FBXL13: variants seen among roughly 807,000 people sequenced by gnomAD.
FBXL13 encodes the protein F-box and leucine-rich repeat protein 13.
In FBXL13, 67 loss-of-function variants were observed where a neutral mutation model predicts 83.6. That is an observed-to-expected ratio of 0.80 (90% CI 0.66 to 0.98). The LOEUF (loss-of-function observed/expected upper bound fraction) is 0.98. Ranked by LOEUF, FBXL13 falls within the 50% of genes least tolerant of loss-of-function variation. FBXL13 has a pLI of 0.00. For synonymous variants in FBXL13, 272 were observed against 299.5 expected, an observed-to-expected ratio of 0.91 and a Z score of 0.95; for missense variants, 822 against 866.5, an observed-to-expected ratio of 0.95 and a Z score of 0.64.
chr7:103,055,989 C>A (rs1320216236), intron 1 of FBXL13, among the ~76,000 whole-genome samples: 1 of 152,134 alleles, frequency 6.6e-6, no homozygotes, highest in Non-Finnish European at 1.5e-5. Flanking sequence ...TGTAGTCTTT[C>A]ATCCCTCAAA....
At chr7:102,885,453 T>C (rs1434899307) in intron 11 of FBXL13, among the ~76,000 whole-genome samples, 1 of 152,224 alleles carries the variant, frequency 6.6e-6, no homozygotes, top group Non-Finnish European at 1.5e-5. Context: ...TGCCTTTTTT[T>C]TTTTAGTTGG....
At chr7:102,932,798 G>A (rs1356341331) in intron 8 of FBXL13, among the ~76,000 whole-genome samples, 4 of 151,890 alleles carry the variant, frequency 2.6e-5, no homozygotes, top group East Asian at 3.9e-4. Context: ...TTGTAGAGAC[G>A]GGGTTTCCCC....
At chr7:102,983,280 T>A (rs1233862830) in intron 6 of FBXL13, among the ~76,000 whole-genome samples, 1 of 152,076 alleles carries the variant, frequency 6.6e-6, no homozygotes, top group Non-Finnish European at 1.5e-5. Flanking sequence ...GGAGGCCACT[T>A]CCACTAGCAG....
intron 17 of FBXL13, among the ~76,000 whole-genome samples, chr7:102,841,168 T>C (rs1802862243): frequency 6.6e-6 from 1 of 151,540 alleles, no homozygotes; most frequent in Admixed American, 6.6e-5. Context: ...AACCTAAACA[T>C]AGGTTTAAAA....
At chr7:103,070,056 G>A (rs967510689) in intron 1 of FBXL13, among the ~76,000 whole-genome samples, 1 of 148,100 alleles carries the variant, frequency 6.8e-6, no homozygotes. Context: ...TCCAGCCTGG[G>A]CGACAGTGCA....
intron 18 of FBXL13, among the ~76,000 whole-genome samples, chr7:102,824,781 C>T (rs1050208828): frequency 5.7e-5 from 8 of 141,480 alleles, no homozygotes; most frequent in Admixed American, 1.4e-4. Flanking sequence ...CCACCATGCC[C>T]GGCCTTTTTT....
At chr7:102,989,303 T>C (rs553937287) in intron 6 of FBXL13, among the ~76,000 whole-genome samples, 2 of 152,306 alleles carry the variant, frequency 1.3e-5, no homozygotes, top group South Asian at 4.1e-4. Flanking sequence ...ACTTTCTAAT[T>C]ATCTGATCTT....
chr7:102,928,161 C>T (rs1222028153), intron 9 of FBXL13, among the ~76,000 whole-genome samples: 1 of 152,136 alleles, frequency 6.6e-6, no homozygotes, highest in East Asian at 1.9e-4. Flanking sequence ...AAAATTAGAC[C>T]ACTCCCATTC....
At chr7:102,969,364 AC>A (rs1826335969) in intron 6 of FBXL13, among the ~76,000 whole-genome samples, 1 of 152,196 alleles carries the variant, frequency 6.6e-6, no homozygotes, top group African/African-American at 2.4e-5. Context: ...ACTGGATTAT[AC>A]CATCTAGGTT....
intron 14 of FBXL13, among the ~76,000 whole-genome samples, chr7:102,881,730 G>C (rs1253255803): frequency 6.6e-6 from 1 of 152,166 alleles, no homozygotes; most frequent in Non-Finnish European, 1.5e-5. Context: ...TCTCATGAGT[G>C]TGTAGTCAAG....
chr7:102,986,578 C>T (rs916780875), intron 6 of FBXL13, among the ~76,000 whole-genome samples: 1 of 152,064 alleles, frequency 6.6e-6, no homozygotes. Context: ...GACTGAAGTC[C>T]AGTTCTCTTC....
chr7:102,846,188 C>T (rs1173934976), intron 17 of FBXL13, among the ~76,000 whole-genome samples: 3 of 152,112 alleles, frequency 2.0e-5, no homozygotes, highest in Non-Finnish European at 2.9e-5. Flanking sequence ...TAAACCTAGC[C>T]TCATCATTTA....
At chr7:102,872,199 A>G (rs2129456681) in intron 16 of FBXL13, among the ~76,000 whole-genome samples, 1 of 152,218 alleles carries the variant, frequency 6.6e-6, no homozygotes, top group African/African-American at 2.4e-5. Flanking sequence ...CCTCACCTCT[A>G]TCACTATGCC....
intron 11 of FBXL13, among the ~76,000 whole-genome samples, chr7:102,908,959 C>T (rs1814203568): frequency 6.6e-6 from 1 of 152,216 alleles, no homozygotes; most frequent in Admixed American, 6.5e-5. Context: ...GCAAGGCCAG[C>T]CAGGCCTGTG....
chr7:102,954,535 C>A (rs999873033), intron 8 of FBXL13, among the ~76,000 whole-genome samples: 1 of 152,196 alleles, frequency 6.6e-6, no homozygotes, highest in East Asian at 1.9e-4. Flanking sequence ...AACATTCACA[C>A]ATCACAATAT....
chr7:102,912,684 C>CCG (rs1554452560), intron 11 of FBXL13, among the ~76,000 whole-genome samples: 1,660 of 114,136 alleles, frequency 0.015, 76 homozygotes, highest in Middle Eastern at 0.032. Context: ...CCCCCCCCCC[C>CCG]AAAAAAAAAC....
At chr7:102,906,246 C>T (rs544948287) in intron 11 of FBXL13, among the ~76,000 whole-genome samples, 1 of 152,274 alleles carries the variant, frequency 6.6e-6, no homozygotes, top group African/African-American at 2.4e-5. Context: ...TATCACTATG[C>T]TTTAACTTTG....
chr7:102,910,442 T>C (rs1814472675), intron 11 of FBXL13, among the ~76,000 whole-genome samples: 1 of 151,920 alleles, frequency 6.6e-6, no homozygotes, highest in Non-Finnish European at 1.5e-5. Context: ...TGGAGTGCTG[T>C]ATGCGATGCC....
At chr7:103,012,665 A>G (rs1049712660) in intron 6 of FBXL13, among the ~76,000 whole-genome samples, 2 of 152,240 alleles carry the variant, frequency 1.3e-5, no homozygotes, top group East Asian at 3.8e-4. Flanking sequence ...AGCACTGAAT[A>G]TGGAAAGGAA....
Sources: gnomAD v4.1 joint callset for allele counts (sites outside exome capture counted in the v4.1 genomes callset) on GRCh38, gnomAD v4.1.1 for gene constraint, MANE v1.5 for transcripts, NCBI Gene and HGNC (gene_info 2026-07-23, HGNC 2026-07-21) for gene names.